Variants in OPCML observed in about 807,000 individuals in gnomAD.
The protein encoded by OPCML is opioid-binding protein/cell adhesion molecule.
A neutral mutation model predicts 37.8 loss-of-function variants in OPCML; 13 were observed. The observed-to-expected ratio is 0.34, with a 90% CI of 0.22 to 0.55. The LOEUF is 0.55. OPCML is among the 20% of genes least tolerant of loss of function. OPCML has a pLI of 0.91. For synonymous variants in OPCML, 176 were observed against 168.8 expected (o/e 1.04, Z -0.33); for missense variants, 341 against 435.6 (o/e 0.78, Z 1.93).
In OPCML at chr11:132,415,080, A is replaced by T. The variant is rs1293930560; in HGVS notation, c.*5113T>A. ...TTACAACTACAATGTAACATGCACA[A>T]AATTCAGGTAGTATATTCACCCTTG... On this transcript the variant is annotated 3_prime_UTR_variant, in exon 8 of 8. Transcript: ENST00000524381. The T allele has an allele frequency of 6.6e-6, 1 of 152,628 alleles. No individual in the cohort carries two copies. The allele number at this position is 152,628 out of a possible 1,614,324, so 9.5% of individuals were successfully genotyped here.
chr11:133,272,252 T>TAAAAAAA (rs544482291), intron 1 of OPCML, among the ~76,000 whole-genome samples: 5 of 124,458 alleles, frequency 4.0e-5, no homozygotes, highest in East Asian at 2.2e-4. Context: ...ATATTTGGAC[T>TAAAAAAA]AAAAAAAAAA....
chr11:133,178,514 C>G (rs890029115), intron 1 of OPCML, among the ~76,000 whole-genome samples: 3 of 152,084 alleles, frequency 2.0e-5, no homozygotes, highest in African/African-American at 7.2e-5. Context: ...ATCACATTTT[C>G]TATCTACCAG....
At chr11:133,119,457 T>C (rs1001081629) in intron 1 of OPCML, among the ~76,000 whole-genome samples, 8 of 152,072 alleles carry the variant, frequency 5.3e-5, no homozygotes, top group Non-Finnish European at 1.0e-4. Flanking sequence ...TGCAACCATC[T>C]ACCCACTCCT....
chr11:133,004,002 G>T (rs1343881229), intron 1 of OPCML: 1 of 985,290 alleles, frequency 1.0e-6, no homozygotes, highest in East Asian at 1.1e-4. Context: ...CCGAGGAAGT[G>T]GCACACGTCT....
chr11:132,700,144 T>C (rs551222690), intron 2 of OPCML, among the ~76,000 whole-genome samples: 5 of 152,216 alleles, frequency 3.3e-5, no homozygotes, highest in African/African-American at 9.6e-5. Flanking sequence ...TTCTGTAAAC[T>C]GTATTGTGTA....
intron 1 of OPCML, among the ~76,000 whole-genome samples, chr11:133,349,631 C>T (rs1384131303): frequency 6.6e-6 from 1 of 152,136 alleles, no homozygotes; most frequent in African/African-American, 2.4e-5. Flanking sequence ...GTTTAAGACA[C>T]CTGAGCAACC....
At chr11:132,572,474 A>G (rs1234038094) in intron 3 of OPCML, among the ~76,000 whole-genome samples, 1 of 152,104 alleles carries the variant, frequency 6.6e-6, no homozygotes, top group African/African-American at 2.4e-5. Context: ...ATATGTGGAT[A>G]TCCAGTTTTC....
chr11:133,107,413 G>A (rs1949176488), intron 1 of OPCML, among the ~76,000 whole-genome samples: 2 of 152,180 alleles, frequency 1.3e-5, no homozygotes, highest in Non-Finnish European at 2.9e-5. Flanking sequence ...CTGATTTACA[G>A]AGGCATTGCT....
intron 4 of OPCML, among the ~76,000 whole-genome samples, chr11:132,471,682 A>T (rs750398658): frequency 2.0e-5 from 3 of 152,222 alleles, no homozygotes; most frequent in Non-Finnish European, 4.4e-5. Flanking sequence ...AGAGGAAATG[A>T]CACAAGGCCA....
At chr11:133,354,283 A>ATGATGATGG (rs1565588729) in intron 1 of OPCML, among the ~76,000 whole-genome samples, 1 of 13,976 alleles carries the variant, frequency 7.2e-5, no homozygotes, top group African/African-American at 2.7e-4. Context: ...GGTGATAGTG[A>ATGATGATGG]TGGTGGTGCT....
intron 3 of OPCML, among the ~76,000 whole-genome samples, chr11:132,559,019 A>C (rs1024800155): frequency 2.6e-5 from 4 of 152,208 alleles, no homozygotes; most frequent in Non-Finnish European, 5.9e-5. Flanking sequence ...TTCAGTTCCA[A>C]TCAGTGATCC....
chr11:133,487,677 G>C (rs1947558180), intron 1 of OPCML, among the ~76,000 whole-genome samples: 1 of 152,070 alleles, frequency 6.6e-6, no homozygotes, highest in African/African-American at 2.4e-5. Flanking sequence ...CTATCTCAGA[G>C]GCAAGGATAG....
chr11:133,347,491 G>A (rs1186109701), intron 1 of OPCML, among the ~76,000 whole-genome samples: 2 of 152,184 alleles, frequency 1.3e-5, no homozygotes, highest in African/African-American at 2.4e-5. Flanking sequence ...AAAACCATTA[G>A]AGATCACTCA....
At chr11:133,398,201 G>T (rs1209357054) in intron 1 of OPCML, among the ~76,000 whole-genome samples, 2 of 152,142 alleles carry the variant, frequency 1.3e-5, no homozygotes, top group African/African-American at 4.8e-5. Context: ...CTCCCTCATG[G>T]CAATTAAGAT....
chr11:133,417,766 C>A (rs115409975), intron 1 of OPCML, among the ~76,000 whole-genome samples: 1 of 152,024 alleles, frequency 6.6e-6, no homozygotes, highest in African/African-American at 2.4e-5. Context: ...GAGGAGACCA[C>A]CAATTGAATA....
chr11:133,086,651 T>G (rs902798583), intron 1 of OPCML, among the ~76,000 whole-genome samples: 1 of 152,170 alleles, frequency 6.6e-6, no homozygotes, highest in African/African-American at 2.4e-5. Context: ...AAGGAACACA[T>G]TCATCACCAC....
At chr11:133,266,677 C>T (rs1018125304) in intron 1 of OPCML, among the ~76,000 whole-genome samples, 12 of 152,128 alleles carry the variant, frequency 7.9e-5, no homozygotes, top group African/African-American at 2.9e-4. Context: ...CTTAAGGAAG[C>T]TTTCAATCTA....
chr11:133,418,299 G>A, intron 1 of OPCML: 1 of 985,182 alleles, frequency 1.0e-6, no homozygotes, highest in African/African-American at 1.7e-5. Flanking sequence ...ATGAAGGAAG[G>A]GTTCATCCAG....
chr11:132,516,754 T>A (rs1294237996), intron 4 of OPCML, among the ~76,000 whole-genome samples: 1 of 152,208 alleles, frequency 6.6e-6, no homozygotes, highest in East Asian at 1.9e-4. Flanking sequence ...CCTCAACACC[T>A]TTCTCATGGT....
Sources: allele counts gnomAD v4.1 joint callset (sites outside exome capture counted in the v4.1 genomes callset), GRCh38; gene constraint gnomAD v4.1.1; transcripts MANE v1.5; gene names NCBI Gene and HGNC (gene_info 2026-07-23, HGNC 2026-07-21).